ALPK1: variants seen among roughly 807,000 people sequenced by gnomAD.
The protein encoded by ALPK1 is alpha kinase 1.
ALPK1 carries 110 observed loss-of-function variants against 120.6 expected under a neutral mutation model. The ratio of observed to expected loss-of-function variants is 0.91; its 90% confidence interval spans 0.78 to 1.07. The LOEUF (loss-of-function observed/expected upper bound fraction) is 1.07, where lower values mean the gene tolerates loss of function less well. Among genes scored for constraint, ALPK1 ranks in the 50% least tolerant of loss-of-function variants. The pLI is 0.00. For synonymous variants in ALPK1, 582 were observed against 560.3 expected (o/e 1.04, Z -0.55); for missense variants, 1,498 against 1,483.9 (o/e 1.01, Z -0.16).
chr4:112,323,366 T>TA (rs750662726), intron 2 of ALPK1, among the ~76,000 whole-genome samples: 11 of 152,242 alleles, frequency 7.2e-5, no homozygotes, highest in Non-Finnish European at 1.5e-4. Flanking sequence ...TTCAGTCTTT[T>TA]ATTTCAGACC....
At chr4:112,319,631 G>A (rs908606233) in intron 2 of ALPK1, among the ~76,000 whole-genome samples, 2 of 152,158 alleles carry the variant, frequency 1.3e-5, no homozygotes, top group African/African-American at 4.8e-5. Context: ...GATTGCTTTT[G>A]GCAGTATGGT....
rs143638723 is a variant in ALPK1 at position 112,368,972 on chromosome 4, A to G, written c.-100-8706A>G. On this transcript the variant is annotated intron_variant, in intron 2 of 15. Transcript: ENST00000650871. The stretch of plus-strand genomic sequence containing the variant: ...TTAAGTTCACAGTTTGGCAAATACA[A>G]TCAAGGCAACGGCTAGCTTCTATAT... 3.9e-5 allele frequency among the ~76,000 whole-genome samples: 6 copies of G among 152,328 alleles called. No individual in the cohort carries two copies. In the East Asian group the frequency reaches 1.2e-3, roughly 29 times the overall value.
At chr4:112,407,304 T>C (rs1283548231) in intron 4 of ALPK1, among the ~76,000 whole-genome samples, 1 of 152,192 alleles carries the variant, frequency 6.6e-6, no homozygotes, top group Non-Finnish European at 1.5e-5. Context: ...TTTTATGTTA[T>C]GCATTTTTTA....
At chr4:112,368,576 A>AT (rs1243651555) in intron 2 of ALPK1, among the ~76,000 whole-genome samples, 1 of 152,114 alleles carries the variant, frequency 6.6e-6, no homozygotes, top group Admixed American at 6.5e-5. Flanking sequence ...ATTGAGGTTA[A>AT]TTTTTTAAAG....
At chr4:112,373,097 C>T (rs986984064) in intron 2 of ALPK1, among the ~76,000 whole-genome samples, 3 of 152,228 alleles carry the variant, frequency 2.0e-5, no homozygotes, top group African/African-American at 7.2e-5. Flanking sequence ...TCACGCCAAG[C>T]AAAGTTTGTT....
At chr4:112,392,056 G>A (rs1732444469) in intron 4 of ALPK1, among the ~76,000 whole-genome samples, 1 of 152,170 alleles carries the variant, frequency 6.6e-6, no homozygotes, top group East Asian at 1.9e-4. Context: ...TATCTACTAA[G>A]TTATTTTATT....
At chr4:112,406,987 G>A (rs1049622098) in intron 4 of ALPK1, among the ~76,000 whole-genome samples, 2 of 152,106 alleles carry the variant, frequency 1.3e-5, no homozygotes, top group African/African-American at 4.8e-5. Context: ...ATTTCTAAAG[G>A]CTCCCATGTA....
At chr4:112,329,744 TG>T (rs943103491) in intron 2 of ALPK1, among the ~76,000 whole-genome samples, 3 of 152,190 alleles carry the variant, frequency 2.0e-5, no homozygotes, top group Non-Finnish European at 4.4e-5. Context: ...CCCATGGCAC[TG>T]CTCATGAGGT....
Position 112,432,039 on chromosome 4 carries a change from A to C in ALPK1, c.2492A>C (p.Asp831Ala), listed in dbSNP as rs781140845. The C allele has an allele frequency of 1.0e-4, 163 of 1,613,824 alleles. 1 individual carries two copies. The Middle Eastern group carries it at 3.1e-3, about 31-fold the overall frequency. Residue 831 changes from aspartate to alanine, a missense_variant, in exon 11 of 16, where the codon GAC becomes GCC. Asp to Ala is a moderately radical substitution (Grantham distance 126). Transcript: ENST00000650871. Reference sequence around the variant, plus strand: ...CCTAATTGGCCTGTTCAAAATCCTGACTCCAGAAAAAGTGGTGGCCCAGTC... The same window carrying C: ...CCTAATTGGCCTGTTCAAAATCCTGCCTCCAGAAAAAGTGGTGGCCCAGTC... Reference protein sequence around the residue: ...FTPNWPVQNPDSRKSGGPVAE... With the variant: ...FTPNWPVQNPASRKSGGPVAE...
intron 3 of ALPK1, among the ~76,000 whole-genome samples, chr4:112,378,677 A>C (rs922639857): frequency 2.0e-5 from 3 of 152,118 alleles, no homozygotes; most frequent in African/African-American, 7.2e-5. Flanking sequence ...TATTTTTCTC[A>C]GTATTTTTAG....
chr4:112,399,840 C>T (rs867509447), intron 4 of ALPK1, among the ~76,000 whole-genome samples: 6 of 152,220 alleles, frequency 3.9e-5, no homozygotes, highest in Admixed American at 1.3e-4. Context: ...TGAGTGAGAA[C>T]GTGCAGTGTT....
At chr4:112,405,564 A>C (rs186154086) in intron 4 of ALPK1, among the ~76,000 whole-genome samples, 1 of 152,154 alleles carries the variant, frequency 6.6e-6, no homozygotes, top group East Asian at 1.9e-4. Flanking sequence ...CCAGCTTTAA[A>C]GACCCAACTT....
At chr4:112,349,556 C>CCCG (rs1553939390) in intron 2 of ALPK1, among the ~76,000 whole-genome samples, 4 of 142,618 alleles carry the variant, frequency 2.8e-5, no homozygotes, top group Non-Finnish European at 6.1e-5. Flanking sequence ...CCCCTGCCCC[C>CCCG]CCCCGCTTTA....
chr4:112,321,195 C>A (rs569738354), intron 2 of ALPK1, among the ~76,000 whole-genome samples: 2 of 152,086 alleles, frequency 1.3e-5, no homozygotes, highest in African/African-American at 4.8e-5. Flanking sequence ...CCGAGCCCAG[C>A]CAATATCACC....
intron 1 of ALPK1, among the ~76,000 whole-genome samples, chr4:112,298,049 C>A (rs1727621402): frequency 6.6e-6 from 1 of 152,050 alleles, no homozygotes; most frequent in Admixed American, 6.6e-5. Flanking sequence ...AAATTAAATT[C>A]CTTTGCATGT....
At chr4:112,423,036 A>G (rs777059398) in intron 5 of ALPK1, among the ~76,000 whole-genome samples, 3 of 152,266 alleles carry the variant, frequency 2.0e-5, no homozygotes, top group Non-Finnish European at 4.4e-5. Flanking sequence ...TGGCCAGGTC[A>G]TCATTGCAAA....
At chr4:112,356,471 G>A in intron 2 of ALPK1, 1 of 956,768 alleles carries the variant, frequency 1.0e-6, no homozygotes, top group East Asian at 2.6e-5. Context: ...ACGCCTTTAG[G>A]ACCCACTCGC....
intron 2 of ALPK1, among the ~76,000 whole-genome samples, chr4:112,366,987 T>C (rs1369644646): frequency 6.6e-6 from 1 of 152,178 alleles, no homozygotes; most frequent in East Asian, 1.9e-4. Context: ...CATAAGTGGA[T>C]GCTAAGCTAT....
chr4:112,359,014 G>A (rs1413394720), intron 2 of ALPK1: 4 of 765,932 alleles, frequency 5.2e-6, no homozygotes, highest in East Asian at 4.9e-5. Context: ...GGACAAGGCT[G>A]TGGCTATCGG....
Sources: gnomAD v4.1 joint callset for allele counts (sites outside exome capture counted in the v4.1 genomes callset) on GRCh38, gnomAD v4.1.1 for gene constraint, MANE v1.5 for transcripts, NCBI Gene and HGNC (gene_info 2026-07-23, HGNC 2026-07-21) for gene names.